Variants in MGA observed in about 807,000 individuals in gnomAD.
MGA encodes the protein MAX gene-associated protein.
A neutral mutation model predicts 261.1 loss-of-function variants in MGA; 40 were observed. The observed-to-expected ratio is 0.15, with a 90% CI of 0.12 to 0.20. MGA has a LOEUF of 0.20. Among genes scored for constraint, MGA ranks in the 10% least tolerant of loss-of-function variants. The pLI is 1.00. For missense variants in MGA, 3,397 were observed against 3,630.5 expected (o/e 0.94, Z 1.65); for synonymous variants, 1,302 against 1,290.6 (o/e 1.01, Z -0.19).
At chr15:41,630,215 A>G (rs538179580) in intron 1 of MGA, among the ~76,000 whole-genome samples, 1 of 152,148 alleles carries the variant, frequency 6.6e-6, no homozygotes, top group South Asian at 2.1e-4. Flanking sequence ...CCCTGCCTCA[A>G]ACTCCTACTC....
intron 2 of MGA, among the ~76,000 whole-genome samples, chr15:41,681,638 T>G (rs535677947): frequency 5.3e-5 from 8 of 152,074 alleles, no homozygotes; most frequent in African/African-American, 1.7e-4. Context: ...TTTGTAGAGA[T>G]AGGATTTCAC....
chr15:41,735,226 G>A (rs1416902649), intron 12 of MGA, among the ~76,000 whole-genome samples: 1 of 152,148 alleles, frequency 6.6e-6, no homozygotes, highest in Non-Finnish European at 1.5e-5. Context: ...GAGGATTATG[G>A]GGGCCCTTGA....
chr15:41,740,855 C>T (rs1315177257), intron 14 of MGA, among the ~76,000 whole-genome samples: 1 of 152,174 alleles, frequency 6.6e-6, no homozygotes, highest in Admixed American at 6.5e-5. Flanking sequence ...TTTTCCTTAA[C>T]ATTTAAATGC....
chr15:41,716,555 G>A (rs1254074408), intron 9 of MGA, among the ~76,000 whole-genome samples: 3 of 152,142 alleles, frequency 2.0e-5, no homozygotes, highest in South Asian at 2.1e-4. Flanking sequence ...ACATGTTGCC[G>A]ATACCAAAAA....
At chr15:41,761,706 C>A in intron 20 of MGA, 33 bp from the exon 21 acceptor site, 1 of 1,370,218 alleles carries the variant, frequency 7.3e-7, no homozygotes, top group Non-Finnish European at 1.0e-6. Context: ...AAGAGTGGAT[C>A]AATTTTCAAT....
intron 3 of MGA, among the ~76,000 whole-genome samples, chr15:41,697,857 A>G (rs1038633382): frequency 6.6e-6 from 1 of 152,084 alleles, no homozygotes; most frequent in Non-Finnish European, 1.5e-5. Context: ...AAATTTTTAT[A>G]GAAGCCCAGT....
intron 2 of MGA, among the ~76,000 whole-genome samples, chr15:41,683,401 T>G (rs1432715036): frequency 6.6e-6 from 1 of 151,958 alleles, no homozygotes; most frequent in African/African-American, 2.4e-5. Flanking sequence ...TAATTTTTTA[T>G]TTTTATTTTT....
rs541408470 is a variant in MGA, at chr15:41,735,666, G to A, written c.3917-515G>A. Among the ~76,000 whole-genome samples the A allele has an allele frequency of 5.9e-5, 9 of 152,106 alleles. No homozygotes were observed. The East Asian group carries it at 1.7e-3, about 29-fold the overall frequency. On this transcript the variant is annotated intron_variant, in intron 12 of 23. Transcript: ENST00000219905. Reference sequence around the variant, plus strand: ...GCAGGAGAACCACTTGAACCTGGGAGGCAGAGGTTGCAGTGAGCTATCACG... The same window carrying A: ...GCAGGAGAACCACTTGAACCTGGGAAGCAGAGGTTGCAGTGAGCTATCACG...
At position 41,749,516 on chromosome 15, in the gene MGA, G is replaced by A. The variant is rs760587192; in HGVS notation, c.5909G>A (p.Arg1970Lys). Reference sequence around the variant, plus strand: ...CATGTTGCTTCCCTTCAGATGAAGAGAGAATCTCAGAATCCAGACCAGAAA... The same window carrying A: ...CATGTTGCTTCCCTTCAGATGAAGAAAGAATCTCAGAATCCAGACCAGAAA... The change falls in exon 17 of 24, where the codon AGA becomes AAA. Residue 1970 changes from arginine (R) to lysine (K), a missense_variant. This residue lies in a region of MGA where 1,410 missense variants were observed against 1,386.4 expected (regional missense o/e 1.02). Transcript: ENST00000219905. The A allele has an allele frequency of 3.1e-6, 5 of 1,613,788 alleles. No individual in the cohort carries two copies. The South Asian group carries it at 3.3e-5, about 11-fold the overall frequency.
intron 5 of MGA, among the ~76,000 whole-genome samples, chr15:41,705,659 G>T (rs1332443736): frequency 6.6e-6 from 1 of 152,150 alleles, no homozygotes; most frequent in Non-Finnish European, 1.5e-5. Flanking sequence ...GAAATGCCAG[G>T]CCTGCAAAAT....
chr15:41,624,534 TA>T (rs2056397695), intron 1 of MGA, among the ~76,000 whole-genome samples: 1 of 151,972 alleles, frequency 6.6e-6, no homozygotes, highest in Non-Finnish European at 1.5e-5. Context: ...GGGGTTTCAC[TA>T]TATTGGCCAG....
intron 1 of MGA, among the ~76,000 whole-genome samples, chr15:41,640,761 C>T (rs1819883194): frequency 6.6e-6 from 1 of 152,204 alleles, no homozygotes. Flanking sequence ...TCACGATCTG[C>T]CCACCTCGGC....
At chr15:41,658,474 C>T (rs1213447177), upstream of MGA, among the ~76,000 whole-genome samples, 5 of 152,126 alleles carry the variant, frequency 3.3e-5, no homozygotes, top group Non-Finnish European at 4.4e-5. Context: ...GAAAAACAAG[C>T]GGTTACTTGG....
At chr15:41,677,962 A>C (rs2058470466) in intron 2 of MGA, among the ~76,000 whole-genome samples, 1 of 151,904 alleles carries the variant, frequency 6.6e-6, no homozygotes, top group African/African-American at 2.4e-5. Flanking sequence ...TTATTCTCTT[A>C]CCTGTGCTTT....
intron 1 of MGA, among the ~76,000 whole-genome samples, chr15:41,632,344 C>G (rs1365431817): frequency 6.6e-6 from 1 of 152,108 alleles, no homozygotes; most frequent in African/African-American, 2.4e-5. Context: ...TATAAAAGAG[C>G]CAAGATTGCA....
intron 9 of MGA, among the ~76,000 whole-genome samples, chr15:41,714,908 C>T (rs893931352): frequency 6.6e-6 from 1 of 152,040 alleles, no homozygotes; most frequent in Admixed American, 6.6e-5. Context: ...ATTTATTGAC[C>T]ATTTATCATA....
rs1300691044 is a variant in MGA, at chr15:41,710,931, A to G, written c.2666A>G (p.His889Arg). Reference sequence around the variant, plus strand: ...TCTACCTCTTATTCTTTGAAACCTCATTCTGTACCCCCTGTCTCTCGAAAG... The same window carrying G: ...TCTACCTCTTATTCTTTGAAACCTCGTTCTGTACCCCCTGTCTCTCGAAAG... The change falls in exon 8 of 24, where the codon CAT becomes CGT. Residue 889 changes from histidine (H) to arginine (R), a missense_variant. Physicochemically the swap from His to Arg is conservative, Grantham distance 29 (BLOSUM62 0). Coordinates refer to ENST00000219905, the MANE Select transcript of MGA (RefSeq NM_001164273.2). 2 of 1,613,972 alleles carry G rather than the reference A, an allele frequency of 1.2e-6. No individual in the cohort carries two copies. Among genetic ancestry groups the G allele is most frequent in the Non-Finnish European group, 1.7e-6 (2 of 1,179,886 alleles).
intron 1 of MGA, among the ~76,000 whole-genome samples, chr15:41,647,728 A>G (rs938725046): frequency 6.7e-6 from 1 of 149,804 alleles, no homozygotes; most frequent in African/African-American, 2.4e-5. Context: ...TTACTTCCCA[A>G]ATCTTTGTAT....
chr15:41,685,295 A>G (rs1042450831), intron 2 of MGA, among the ~76,000 whole-genome samples: 2 of 152,172 alleles, frequency 1.3e-5, no homozygotes, highest in Admixed American at 1.3e-4. Flanking sequence ...ATTTTATACT[A>G]AATTCTGTTT....
Sources: gnomAD v4.1 joint callset for allele counts (sites outside exome capture counted in the v4.1 genomes callset) on GRCh38, gnomAD v4.1.1 for gene constraint, gnomAD v4.1.1 regional missense constraint, MANE v1.5 for transcripts, NCBI Gene and HGNC (gene_info 2026-07-23, HGNC 2026-07-21) for gene names.